The following C14orf39 variants were observed in gnomAD, a reference collection of about 807,000 sequenced individuals.
C14orf39 encodes the protein protein SIX6OS1.
A neutral mutation model predicts 85.6 loss-of-function variants in C14orf39; 66 were observed. That is an observed-to-expected ratio of 0.77 (90% CI 0.63 to 0.95). The LOEUF (loss-of-function observed/expected upper bound fraction) is 0.95, where lower values mean the gene tolerates loss of function less well. C14orf39 is among the 40% of genes least tolerant of loss of function. The probability of loss-of-function intolerance (pLI) is 0.00; values close to 1 mark genes in which losing one functional copy is unlikely to be tolerated. For missense variants in C14orf39, 735 were observed against 663.9 expected (o/e 1.11, Z -1.18); for synonymous variants, 242 against 214.0 (o/e 1.13, Z -1.14).
chr14:60,468,599 G>T (rs1891912295), intron 8 of C14orf39, 63 bp from the exon 9 acceptor site: 3 of 892,400 alleles, frequency 3.4e-6, no homozygotes, highest in South Asian at 2.0e-5. Flanking sequence ...AAAAAGATAT[G>T]CTTTATCTTA....
At chr14:60,441,919 T>C (rs901967137) in intron 17 of C14orf39, among the ~76,000 whole-genome samples, 155 bp downstream of exon 17, 3 of 152,080 alleles carry the variant, frequency 2.0e-5, no homozygotes, top group Non-Finnish European at 2.9e-5. Context: ...AGCTAATTGC[T>C]TGAAAAAGAA....
At chr14:60,476,980 T>C (rs1892408010) in intron 5 of C14orf39, among the ~76,000 whole-genome samples, 1 of 152,234 alleles carries the variant, frequency 6.6e-6, no homozygotes, top group African/African-American at 2.4e-5. Context: ...GCGGGATACA[T>C]AGTATGAATT....
At chr14:60,476,373 C>G (rs1892377221) in intron 5 of C14orf39, among the ~76,000 whole-genome samples, 1 of 152,204 alleles carries the variant, frequency 6.6e-6, no homozygotes, top group Non-Finnish European at 1.5e-5. Flanking sequence ...ATTATTATCT[C>G]ATCTAAGCCA....
Position 60,478,233 on chromosome 14 carries a change from A to C in C14orf39, c.323+67T>G, listed in dbSNP as rs1892486789. 6 of 549,928 alleles carry C rather than the reference A, an allele frequency of 1.1e-5. No homozygotes were observed. In the East Asian group the frequency reaches 2.2e-4, roughly 20 times the overall value. 34.1% of individuals were successfully genotyped at this position (549,928 alleles called of 1,614,324 possible). A position where few individuals can be genotyped will look rare whatever the true frequency, so the allele number is the denominator to read the frequency against. ...AAAATGTCTACATTTTTCAACTGAC[A>C]TTCTTACACACCATGTCCTAATAAT... is the stretch of plus-strand genomic sequence containing the variant. On this transcript the variant is annotated intron_variant, in intron 5 of 17. Transcript: ENST00000321731.
chr14:60,472,214 T>G lies in C14orf39; in HGVS notation c.324-475A>C, dbSNP rs146488242. Among the ~76,000 whole-genome samples the G allele has an allele frequency of 2.2e-3, 312 of 139,648 alleles. 1 individual carries two copies. Among genetic ancestry groups the G allele is most frequent in the African/African-American group, 7.7e-3 (294 of 38,080 alleles). 91.6% of individuals were successfully genotyped at this position (139,648 alleles called of 152,430 possible). ...ATTTTCATTAGCTAAAATTATCACA[T>G]GAAGTCATGTTCTATGTATTAGAAC... On this transcript the variant is annotated intron_variant, in intron 5 of 17. Transcript: ENST00000321731.
intron 5 of C14orf39, 122 bp downstream of exon 5, chr14:60,478,178 C>CGAAAAAAAAAAA (rs1892479857): frequency 1.1e-5 from 1 of 87,834 alleles, no homozygotes; most frequent in African/African-American, 4.4e-5. Flanking sequence ...GACTCCATCT[C>CGAAAAAAAAAAA]AAAAAAAAAA....
At chr14:60,474,180 T>A (rs1486541083) in intron 5 of C14orf39, among the ~76,000 whole-genome samples, 1 of 152,138 alleles carries the variant, frequency 6.6e-6, no homozygotes. Context: ...TGAATGGGAG[T>A]TCACTCGTGA....
chr14:60,488,420 TC>T (rs1216953000), upstream of C14orf39, among the ~76,000 whole-genome samples: 11 of 152,266 alleles, frequency 7.2e-5, no homozygotes, highest in Middle Eastern at 6.8e-3. Context: ...CTCTCCCTAT[TC>T]CCTCTCACTC....
intron 9 of C14orf39, among the ~76,000 whole-genome samples, chr14:60,468,150 C>T (rs753683005): frequency 6.6e-6 from 1 of 151,690 alleles, no homozygotes; most frequent in Non-Finnish European, 1.5e-5. Flanking sequence ...GCTGGCCCAT[C>T]ATGGAAAACA....
intron 5 of C14orf39, among the ~76,000 whole-genome samples, chr14:60,472,852 C>T (rs538353529): frequency 1.3e-5 from 2 of 152,216 alleles, no homozygotes; most frequent in South Asian, 4.1e-4. Context: ...GTGAATAGTG[C>T]CGCAATAAAC....
At chr14:60,511,436 C>T (rs1365080397) in intron 1 of C14orf39, 3 of 703,338 alleles carry the variant, frequency 4.3e-6, no homozygotes, top group South Asian at 3.2e-5. Context: ...CACTGGCGCC[C>T]TTTGGCCGCG....
At chr14:60,462,297 G>C (rs920839796) in intron 11 of C14orf39, among the ~76,000 whole-genome samples, 1 of 152,014 alleles carries the variant, frequency 6.6e-6, no homozygotes, top group Non-Finnish European at 1.5e-5. Context: ...GTTGAGGTGG[G>C]ATGATCCATT....
chr14:60,450,772 T>TC (rs1890994620), intron 16 of C14orf39, among the ~76,000 whole-genome samples: 2 of 151,790 alleles, frequency 1.3e-5, no homozygotes, highest in South Asian at 4.2e-4. Context: ...TGGCCACACC[T>TC]CCCCCCACTC....
chr14:60,458,898 A>G (rs1022754619), intron 13 of C14orf39, among the ~76,000 whole-genome samples, 159 bp from the exon 14 acceptor site: 1 of 151,864 alleles, frequency 6.6e-6, no homozygotes, highest in African/African-American at 2.4e-5. Flanking sequence ...AGAGAATAAA[A>G]CATAATATGA....
intron 1 of C14orf39, chr14:60,512,011 ATAT>A (rs1893302236): frequency 2.6e-4 from 1 of 3,794 alleles, no homozygotes; most frequent in Non-Finnish European, 1.8e-3. Context: ...GTATGTGCAT[ATAT>A]GTATGTACCT....
chr14:60,503,598 T>C (rs540843529), intron 1 of C14orf39, among the ~76,000 whole-genome samples: 2 of 152,334 alleles, frequency 1.3e-5, no homozygotes, highest in African/African-American at 4.8e-5. Flanking sequence ...AGTTTATTCA[T>C]TTATAAAATA....
chr14:60,514,317 T>C (rs1332720274), intron 1 of C14orf39, among the ~76,000 whole-genome samples: 1 of 152,214 alleles, frequency 6.6e-6, no homozygotes. Flanking sequence ...CTTCCTTTCT[T>C]TTCCTGCAAT....
At chr14:60,477,605 T>A (rs1391680396) in intron 5 of C14orf39, among the ~76,000 whole-genome samples, 1 of 152,180 alleles carries the variant, frequency 6.6e-6, no homozygotes, top group African/African-American at 2.4e-5. Flanking sequence ...TTAAATCAGC[T>A]GTCTAAAAAA....
At chr14:60,446,798 C>T (rs1207700398) in intron 16 of C14orf39, among the ~76,000 whole-genome samples, 1 of 152,194 alleles carries the variant, frequency 6.6e-6, no homozygotes, top group Non-Finnish European at 1.5e-5. Flanking sequence ...TGAAAATCCT[C>T]AATAAAATAC....
Sources: gnomAD v4.1 joint callset for allele counts (sites outside exome capture counted in the v4.1 genomes callset) on GRCh38, gnomAD v4.1.1 for gene constraint, MANE v1.5 for transcripts, NCBI Gene and HGNC (gene_info 2026-07-23, HGNC 2026-07-21) for gene names.